CCDC102B: variants seen among roughly 807,000 people sequenced by gnomAD.
The protein encoded by CCDC102B is coiled-coil domain-containing protein 102B.
In CCDC102B, 75 loss-of-function variants were observed where a neutral mutation model predicts 57.4. The observed-to-expected ratio is 1.31, with a 90% CI of 1.08 to 1.58. CCDC102B has a LOEUF of 1.58. CCDC102B is among the 40% of genes most tolerant of loss of function. The pLI, the probability that CCDC102B is intolerant of heterozygous loss-of-function variation, is 0.00. For missense variants in CCDC102B, 636 were observed against 582.6 expected (o/e 1.09, Z -0.94); for synonymous variants, 206 against 201.9 (o/e 1.02, Z -0.17).
At chr18:68,865,067 A>G (rs1381694397) in intron 4 of CCDC102B, among the ~76,000 whole-genome samples, 1 of 152,068 alleles carries the variant, frequency 6.6e-6, no homozygotes, top group Non-Finnish European at 1.5e-5. Flanking sequence ...TTATGAGAGT[A>G]TACAGGATTA....
chr18:68,942,828 G>GCC (rs2049418378), intron 6 of CCDC102B, among the ~76,000 whole-genome samples: 2 of 146,824 alleles, frequency 1.4e-5, no homozygotes, highest in Non-Finnish European at 3.0e-5. Context: ...ACAGGTGTCG[G>GCC]GCTGGGGTAC....
downstream of CCDC102B, among the ~76,000 whole-genome samples, chr18:69,056,132 G>A (rs1161041371): frequency 6.6e-6 from 1 of 152,024 alleles, no homozygotes; most frequent in Non-Finnish European, 1.5e-5. Context: ...TAGATTAAGT[G>A]GACAGGATTA....
At chr18:68,822,838 G>T (rs1490477435) in intron 1 of CCDC102B, among the ~76,000 whole-genome samples, 1 of 149,158 alleles carries the variant, frequency 6.7e-6, no homozygotes, top group Non-Finnish European at 1.5e-5. Flanking sequence ...AGTATTTCAT[G>T]ATATATATGT....
chr18:69,031,720 A>G (rs2052151060), intron 7 of CCDC102B, among the ~76,000 whole-genome samples: 1 of 152,116 alleles, frequency 6.6e-6, no homozygotes, highest in South Asian at 2.1e-4. Context: ...CCTTTGTGGA[A>G]GAAGATTTCT....
rs114974361 is a variant in CCDC102B, at chr18:69,044,102, A to G, written c.1435-9928A>G. 4.6e-3 allele frequency among the ~76,000 whole-genome samples: 694 copies of G among 152,242 alleles called. 4 individuals carry two copies. The highest frequency in any genetic ancestry group is 0.016 in the African/African-American group (657 of 41,556). ...GCAAAAAATACATTACCAACACTAC[A>G]TTGAAAGAATGATTTAATGGTAAAA... is the stretch of plus-strand genomic sequence containing the variant. On this transcript the variant is annotated intron_variant, in intron 7 of 7. Coordinates refer to ENST00000360242, the MANE Select transcript of CCDC102B (RefSeq NM_024781.3).
At chr18:68,997,240 A>G (rs2051053752) in intron 6 of CCDC102B, among the ~76,000 whole-genome samples, 1 of 152,182 alleles carries the variant, frequency 6.6e-6, no homozygotes, top group African/African-American at 2.4e-5. Flanking sequence ...GTGAAAATGG[A>G]CTAACACACC....
intron 5 of CCDC102B, among the ~76,000 whole-genome samples, chr18:68,890,556 G>T (rs566517788): frequency 6.6e-6 from 1 of 152,134 alleles, no homozygotes; most frequent in Admixed American, 6.5e-5. Flanking sequence ...ATCACAAAAC[G>T]CACAAGCAAC....
intron 2 of CCDC102B, among the ~76,000 whole-genome samples, chr18:68,786,869 A>G (rs1262533520): frequency 6.6e-6 from 1 of 151,976 alleles, no homozygotes; most frequent in African/African-American, 2.4e-5. Flanking sequence ...ATTATGTTGA[A>G]TAGGAGTGGT....
chr18:68,771,442 C>G (rs1166137175), intron 2 of CCDC102B, among the ~76,000 whole-genome samples: 1 of 152,176 alleles, frequency 6.6e-6, no homozygotes, highest in Non-Finnish European at 1.5e-5. Context: ...ATAACGATGA[C>G]TGAACATGGC....
intron 2 of CCDC102B, among the ~76,000 whole-genome samples, chr18:68,724,910 T>C (rs1466516746): frequency 6.6e-6 from 1 of 152,186 alleles, no homozygotes; most frequent in Non-Finnish European, 1.5e-5. Flanking sequence ...TAGACTGTTC[T>C]CTTGCTGCGA....
At chr18:68,781,039 T>G (rs1290032425) in intron 2 of CCDC102B, among the ~76,000 whole-genome samples, 16 of 151,048 alleles carry the variant, frequency 1.1e-4, no homozygotes, top group Admixed American at 1.1e-3. Flanking sequence ...ATCTTGCAAC[T>G]AATTAAGCAT....
chr18:68,965,556 C>T (rs912732048), intron 6 of CCDC102B, among the ~76,000 whole-genome samples: 2 of 151,380 alleles, frequency 1.3e-5, no homozygotes, highest in African/African-American at 4.8e-5. Context: ...CACATGTATA[C>T]ATATGCAACA....
chr18:68,911,055 C>T (rs934820747), intron 6 of CCDC102B, among the ~76,000 whole-genome samples: 3 of 152,072 alleles, frequency 2.0e-5, no homozygotes, highest in Non-Finnish European at 4.4e-5. Flanking sequence ...AAAACAGAAC[C>T]GCCGTTCAAC....
chr18:69,026,026 C>T (rs2051979368), intron 7 of CCDC102B, among the ~76,000 whole-genome samples: 1 of 152,104 alleles, frequency 6.6e-6, no homozygotes, highest in African/African-American at 2.4e-5. Context: ...GAAGTTTGTG[C>T]ACAATCCTTG....
rs77219001 is a variant in CCDC102B at position 68,783,384 on chromosome 18, A to G, written c.-66-39982A>G. On this transcript the variant is annotated intron_variant, in intron 2 of 3. Coordinates refer to the CCDC102B transcript ENST00000578970. ...CCTGTCCCTTGTGCTCATGCTAGGA[A>G]GCCTCCTCAGAGAGTGATCTACTTC... Among the ~76,000 whole-genome samples the G allele has an allele frequency of 4.5e-3, 680 of 152,206 alleles. 19 individuals carry two copies. The East Asian group carries it at 0.076, about 17-fold the overall frequency.
At chr18:68,875,055 A>G (rs1204034436) in intron 5 of CCDC102B, 7 of 207,468 alleles carry the variant, frequency 3.4e-5, no homozygotes, top group Non-Finnish European at 6.8e-5. Flanking sequence ...GTGCATAAAT[A>G]TTTTTTAAAA....
chr18:68,981,337 G>A (rs902063530), intron 6 of CCDC102B, among the ~76,000 whole-genome samples: 3 of 151,962 alleles, frequency 2.0e-5, no homozygotes, highest in African/African-American at 7.2e-5. Context: ...TGTTTTCGAG[G>A]GAAGTTTTAT....
At chr18:68,996,225 G>A (rs1407655078) in intron 6 of CCDC102B, among the ~76,000 whole-genome samples, 12 of 152,152 alleles carry the variant, frequency 7.9e-5, no homozygotes, top group Non-Finnish European at 1.2e-4. Flanking sequence ...GCAGGCAGAG[G>A]AACATGGAAG....
rs961988440 is a variant in CCDC102B, at chr18:68,814,656, G to A, written c.-16+16475G>A. On this transcript the variant is annotated intron_variant, in intron 1 of 7. Coordinates refer to ENST00000360242, the MANE Select transcript of CCDC102B (RefSeq NM_024781.3). The stretch of plus-strand genomic sequence containing the variant: ...TAAAGACAGAGCAATAAATGATAAG[G>A]TGAATATCATATTACAGAACTGTTT... Among the ~76,000 whole-genome samples the A allele has an allele frequency of 2.0e-5, 3 of 152,000 alleles. No homozygotes were observed. The East Asian group carries it at 5.8e-4, about 29-fold the overall frequency.
Sources: gnomAD v4.1 joint callset for allele counts (sites outside exome capture counted in the v4.1 genomes callset) on GRCh38, gnomAD v4.1.1 for gene constraint, MANE v1.5 for transcripts, NCBI Gene and HGNC (gene_info 2026-07-23, HGNC 2026-07-21) for gene names.